Variants in NPAS3 observed in about 807,000 individuals in gnomAD.
NPAS3 encodes the protein neuronal PAS domain-containing protein 3.
NPAS3 carries 14 observed loss-of-function variants against 73.1 expected under a neutral mutation model. That is an observed-to-expected ratio of 0.19 (90% CI 0.13 to 0.30). The LOEUF is 0.30. Among genes scored for constraint, NPAS3 ranks in the 10% least tolerant of loss-of-function variants. The probability of loss-of-function intolerance (pLI) is 1.00; values close to 1 mark genes in which losing one functional copy is unlikely to be tolerated. For missense variants in NPAS3, 1,096 were observed against 1,250.0 expected (o/e 0.88, Z 1.86); for synonymous variants, 620 against 541.5 (o/e 1.14, Z -2.01).
chr14:33,327,743 A>C (rs1314869708), intron 3 of NPAS3, among the ~76,000 whole-genome samples: 2 of 152,218 alleles, frequency 1.3e-5, no homozygotes, highest in Admixed American at 6.5e-5. Context: ...GATGAGTAAA[A>C]GAAATGGAAG....
At chr14:33,701,857 TGC>T (rs751014355) in intron 6 of NPAS3, among the ~76,000 whole-genome samples, 3,857 of 152,300 alleles carry the variant, frequency 0.025, 72 homozygotes, top group Middle Eastern at 0.054. Flanking sequence ...AAATTCTGTG[TGC>T]AGAGATATCT....
intron 4 of NPAS3, among the ~76,000 whole-genome samples, chr14:33,440,826 A>G (rs1324185856): frequency 6.6e-6 from 1 of 151,904 alleles, no homozygotes; most frequent in Non-Finnish European, 1.5e-5. Context: ...CCCGGGGGGC[A>G]GAGGTTGCAA....
At chr14:33,151,869 G>T (rs184973924) in intron 2 of NPAS3, among the ~76,000 whole-genome samples, 2 of 152,236 alleles carry the variant, frequency 1.3e-5, no homozygotes, top group Non-Finnish European at 2.9e-5. Flanking sequence ...TCTAAGAGAG[G>T]CAGCTGCTAC....
In NPAS3 at chr14:33,149,256, A is replaced by G. The variant is rs1379676563; in HGVS notation, c.141-65926A>G. On this transcript the variant is annotated intron_variant, in intron 2 of 11. Transcript: ENST00000356141. The stretch of plus-strand genomic sequence containing the variant: ...TCCAAATGATTTGAGAAAACTTGAT[A>G]CGCTTTGTGCCTCCTCTTGTTATTC... Among the ~76,000 whole-genome samples the G allele has an allele frequency of 2.0e-5, 3 of 152,350 alleles. No individual in the cohort carries two copies. The East Asian group carries it at 5.8e-4, about 29-fold the overall frequency.
intron 4 of NPAS3, among the ~76,000 whole-genome samples, chr14:33,434,876 C>A (rs375505100): frequency 2.0e-5 from 3 of 152,222 alleles, no homozygotes; most frequent in African/African-American, 4.8e-5. Context: ...GCTAGACTTG[C>A]ACTGGGAGGA....
rs74042026 is a variant in NPAS3 at position 33,309,602 on chromosome 14, T to G, written c.386-57584T>G. 5.6e-3 allele frequency among the ~76,000 whole-genome samples: 860 copies of G among 152,270 alleles called. 9 individuals are homozygous for G. Among genetic ancestry groups the G allele is most frequent in the African/African-American group, 0.02 (828 of 41,554 alleles). On this transcript the variant is annotated intron_variant, in intron 3 of 11. Coordinates refer to ENST00000356141, the Ensembl canonical transcript of NPAS3. Reference sequence around the variant, plus strand: ...TTTGTAAAGCAACCTGAAATTAACCTTTTCTCCAAATGGGCTGTCTGTGCC... The same window carrying G: ...TTTGTAAAGCAACCTGAAATTAACCGTTTCTCCAAATGGGCTGTCTGTGCC...
chr14:33,152,511 G>A (rs975476454), intron 2 of NPAS3, among the ~76,000 whole-genome samples: 2 of 151,942 alleles, frequency 1.3e-5, no homozygotes, highest in Admixed American at 6.6e-5. Context: ...CTTTGACAGC[G>A]CACATTCTCT....
At chr14:33,428,715 AC>A (rs1486427302) in intron 4 of NPAS3, among the ~76,000 whole-genome samples, 2 of 152,186 alleles carry the variant, frequency 1.3e-5, no homozygotes, top group Non-Finnish European at 2.9e-5. Flanking sequence ...TCATTTGTAA[AC>A]ATAAACTATG....
chr14:32,971,435 ATAGTTTTTAAGGCATCTT>A (rs2037421109), intron 1 of NPAS3, among the ~76,000 whole-genome samples: 1 of 152,162 alleles, frequency 6.6e-6, no homozygotes, highest in African/African-American at 2.4e-5. Flanking sequence ...TAAAATAAAG[ATAGTTTTTAAGGCATCTT>A]TTAATGAAAT....
intron 4 of NPAS3, among the ~76,000 whole-genome samples, chr14:33,451,612 T>TA (rs2049794409): frequency 6.6e-6 from 1 of 152,240 alleles, no homozygotes; most frequent in Non-Finnish European, 1.5e-5. Flanking sequence ...TAACAAATAT[T>TA]AAAAATGTAT....
chr14:33,685,390 G>C (rs1184061182), intron 6 of NPAS3, among the ~76,000 whole-genome samples: 1 of 152,132 alleles, frequency 6.6e-6, no homozygotes, highest in Non-Finnish European at 1.5e-5. Context: ...ACATTGCTTT[G>C]ACATGCCCAA....
intron 7 of NPAS3, among the ~76,000 whole-genome samples, chr14:33,745,605 A>T (rs1189244943): frequency 6.6e-6 from 1 of 152,214 alleles, no homozygotes; most frequent in Non-Finnish European, 1.5e-5. Context: ...TCATGTATAG[A>T]GGTGAATCTA....
intron 7 of NPAS3, among the ~76,000 whole-genome samples, chr14:33,766,382 C>T (rs1331273610): frequency 1.3e-5 from 2 of 152,268 alleles, no homozygotes; most frequent in South Asian, 2.1e-4. Flanking sequence ...TCTTCCCGCT[C>T]ACCTCATTCC....
chr14:33,557,191 C>T lies in NPAS3; in HGVS notation c.469-2930C>T, dbSNP rs372815469. Among the ~76,000 whole-genome samples, 712 of 152,192 alleles carry T rather than the reference C, an allele frequency of 4.7e-3. 6 individuals are homozygous for T. Among genetic ancestry groups the T allele is most frequent in the African/African-American group, 0.016 (681 of 41,536 alleles). The stretch of plus-strand genomic sequence containing the variant: ...GAGGTTCCGCTATACTACATCCCTG[C>T]GCTTGAAAGGCTCTATCAGAAAAGA... On this transcript the variant is annotated intron_variant, in intron 4 of 11. Transcript: ENST00000356141.
intron 1 of NPAS3, among the ~76,000 whole-genome samples, chr14:33,022,372 AT>A (rs1223706681): frequency 6.6e-6 from 1 of 152,204 alleles, no homozygotes; most frequent in Non-Finnish European, 1.5e-5. Flanking sequence ...AGTTTAAAAA[AT>A]ATTACTTTTG....
At chr14:33,537,251 A>G (rs1244390411) in intron 4 of NPAS3, among the ~76,000 whole-genome samples, 2 of 152,204 alleles carry the variant, frequency 1.3e-5, no homozygotes, top group South Asian at 2.1e-4. Context: ...CTTCTGCTCT[A>G]TTTTAATTGT....
intron 1 of NPAS3, among the ~76,000 whole-genome samples, chr14:33,046,475 C>T (rs950357181): frequency 2.0e-5 from 3 of 152,058 alleles, no homozygotes; most frequent in Non-Finnish European, 4.4e-5. Context: ...TGCAGTGATC[C>T]AGAAGAGGTA....
At chr14:33,672,660 T>G (rs1018091995) in intron 5 of NPAS3, among the ~76,000 whole-genome samples, 5 of 150,854 alleles carry the variant, frequency 3.3e-5, no homozygotes, top group African/African-American at 1.2e-4. Context: ...GCAGGAAACA[T>G]GAGTTCTAGT....
intron 2 of NPAS3, among the ~76,000 whole-genome samples, chr14:33,155,158 C>G (rs1474250631): frequency 6.6e-6 from 1 of 152,176 alleles, no homozygotes; most frequent in Non-Finnish European, 1.5e-5. Flanking sequence ...GAGTGCTGTT[C>G]CTCTTGTGCC....
Sources: allele counts gnomAD v4.1 joint callset (sites outside exome capture counted in the v4.1 genomes callset), GRCh38; gene constraint gnomAD v4.1.1; transcripts MANE v1.5; gene names NCBI Gene and HGNC (gene_info 2026-07-23, HGNC 2026-07-21).